KIAA0753: variants seen among roughly 807,000 people sequenced by gnomAD.
KIAA0753 encodes the protein protein moonraker.
In KIAA0753, 114 loss-of-function variants were observed where a neutral mutation model predicts 116.9. The observed-to-expected ratio is 0.98, with a 90% CI of 0.84 to 1.14. The LOEUF is 1.14. Ranked by LOEUF, KIAA0753 falls within the 50% of genes most tolerant of loss-of-function variation. The pLI is 0.00. For synonymous variants in KIAA0753, 405 were observed against 413.1 expected, an observed-to-expected ratio of 0.98 and a Z score of 0.24; for missense variants, 1,156 against 1,172.4, an observed-to-expected ratio of 0.99 and a Z score of 0.20.
At chr17:6,587,107 C>T (rs1968633088) in intron 18 of KIAA0753, among the ~76,000 whole-genome samples, 1 of 152,106 alleles carries the variant, frequency 6.6e-6, no homozygotes, top group South Asian at 2.1e-4. Flanking sequence ...TAGCCAGTAC[C>T]TGTAATCCTA....
chr17:6,579,906 G>A (rs747643787), intron 18 of KIAA0753, 42 bp from the exon 19 acceptor site: 3 of 1,462,288 alleles, frequency 2.1e-6, no homozygotes, highest in Non-Finnish European at 2.9e-6. Context: ...TACAAGGCCA[G>A]GCGCGGTGGC....
intron 18 of KIAA0753, among the ~76,000 whole-genome samples, chr17:6,588,696 G>T (rs1029602740): frequency 6.6e-6 from 1 of 152,152 alleles, no homozygotes; most frequent in African/African-American, 2.4e-5. Flanking sequence ...TTAGCTCAAT[G>T]ATGAAAAATA....
intron 14 of KIAA0753, among the ~76,000 whole-genome samples, chr17:6,598,749 A>G (rs1969648996): frequency 6.6e-6 from 1 of 152,198 alleles, no homozygotes; most frequent in Admixed American, 6.5e-5. Flanking sequence ...ATTTTTCTCA[A>G]ATGTTCTCAT....
intron 16 of KIAA0753, among the ~76,000 whole-genome samples, chr17:6,592,087 TGAA>T (rs1239972275): frequency 2.0e-5 from 3 of 152,170 alleles, no homozygotes; most frequent in Non-Finnish European, 4.4e-5. Context: ...AGCCTGGCCT[TGAA>T]GAACAGCTTG....
Position 6,579,833 on chromosome 17 carries a change from C to G in KIAA0753, c.2818G>C (p.Gly940Arg). 6.2e-7 allele frequency: 1 copy of G among 1,613,838 alleles called. No individual in the cohort carries two copies. Among genetic ancestry groups the G allele is most frequent in the Non-Finnish European group, 8.5e-7 (1 of 1,179,948 alleles). Residue 940 changes from glycine (G) to arginine (R), a missense_variant, in exon 19 of 19, where the codon GGT becomes CGT. By Grantham distance (125) the Gly-to-Arg change is moderately radical. Transcript: ENST00000361413. ...TCCTGAAGTTCAGCAGCCACAGCAC[C>G]CAGAGCTTCATCTACCAGCTCTTCT... ...FSEELVDEAL[G>R]AVAAELQDMC...
Position 6,590,139 on chromosome 17 carries a change from C to T in KIAA0753, c.2562-136G>A, listed in dbSNP as rs554622921. ...CTCACAATGAACAAAACTGAACAAC[C>T]TAACACCATGCGTTGCTTCCCCTTT... On this transcript the variant is annotated intron_variant, in intron 17 of 18. Coordinates refer to ENST00000361413, the MANE Select transcript of KIAA0753 (RefSeq NM_014804.3). 1.5e-5 allele frequency: 11 copies of T among 733,484 alleles called. 1 individual carries two copies. The highest frequency in any genetic ancestry group is 1.2e-4 in the African/African-American group (7 of 56,266). The allele number at this position is 733,484 out of a possible 1,614,324, so 45.4% of individuals were successfully genotyped here.
intron 16 of KIAA0753, among the ~76,000 whole-genome samples, chr17:6,594,372 G>T (rs1969311544): frequency 6.6e-6 from 1 of 151,668 alleles, no homozygotes; most frequent in South Asian, 2.1e-4. Context: ...GTTAATAACA[G>T]CAAGAGGAAA....
chr17:6,626,568 T>A (rs1334209448), intron 3 of KIAA0753, among the ~76,000 whole-genome samples: 1 of 151,676 alleles, frequency 6.6e-6, no homozygotes, highest in South Asian at 2.1e-4. Context: ...ATGATTCCCA[T>A]GCAGCGCCTG....
intron 5 of KIAA0753, 85 bp downstream of exon 5, chr17:6,623,424 T>C (rs1971457546): frequency 1.9e-6 from 2 of 1,074,266 alleles, no homozygotes; most frequent in East Asian, 2.4e-5. Flanking sequence ...ATAACATTAG[T>C]GCAGAGGGCC....
chr17:6,628,407 C>G lies in KIAA0753; in HGVS notation c.428G>C (p.Arg143Thr). Residue 143 changes from arginine (R) to threonine (T), a missense_variant, in exon 3 of 19, where the codon AGG becomes ACG. Coordinates refer to ENST00000361413, the MANE Select transcript of KIAA0753 (RefSeq NM_014804.3). The stretch of plus-strand genomic sequence containing the variant: ...ACTCTTTGATTCCTTCCTTTCCACC[C>G]TGTGGTCGGGTATTTTATACTTAGT... ...GHTKYKIPDH[R>T]VERKESKSQA... The G allele has an allele frequency of 1.2e-6, 2 of 1,614,196 alleles. No individual in the cohort carries two copies. Among genetic ancestry groups the G allele is most frequent in the Non-Finnish European group, 1.7e-6 (2 of 1,180,042 alleles).
intron 3 of KIAA0753, among the ~76,000 whole-genome samples, chr17:6,625,127 C>T (rs575534253): frequency 6.6e-6 from 1 of 152,248 alleles, no homozygotes; most frequent in Non-Finnish European, 1.5e-5. Flanking sequence ...CACTGGACAG[C>T]GATTTCACTA....
At chr17:6,597,239 A>C (rs1053565399) in intron 14 of KIAA0753, among the ~76,000 whole-genome samples, 3 of 152,372 alleles carry the variant, frequency 2.0e-5, no homozygotes, top group African/African-American at 7.2e-5. Flanking sequence ...AATGATTCAC[A>C]GAAGAAAATA....
chr17:6,584,702 T>C (rs1218601566), intron 18 of KIAA0753, among the ~76,000 whole-genome samples: 1 of 152,228 alleles, frequency 6.6e-6, no homozygotes, highest in African/African-American at 2.4e-5. Context: ...TTTTTGCCAT[T>C]CTTCTGGAAG....
chr17:6,602,110 A>C (rs1323294279), intron 12 of KIAA0753, among the ~76,000 whole-genome samples: 2 of 152,226 alleles, frequency 1.3e-5, no homozygotes, highest in Non-Finnish European at 2.9e-5. Flanking sequence ...AAAGACTGAC[A>C]AGCTCAATTG....
At chr17:6,630,328 T>A (rs1370549061) in intron 2 of KIAA0753, among the ~76,000 whole-genome samples, 1 of 152,094 alleles carries the variant, frequency 6.6e-6, no homozygotes, top group Non-Finnish European at 1.5e-5. Context: ...TATAGCAATA[T>A]ATGCTGTTGG....
intron 2 of KIAA0753, chr17:6,634,751 A>G (rs372919480): frequency 8.4e-6 from 3 of 357,338 alleles, no homozygotes; most frequent in African/African-American, 4.1e-5. Flanking sequence ...GTATAAGAAT[A>G]GTATCATGAT....
chr17:6,589,700 T>G (rs1460910551), intron 18 of KIAA0753, 79 bp downstream of exon 18: 1 of 1,088,874 alleles, frequency 9.2e-7, no homozygotes, highest in Non-Finnish European at 1.3e-6. Flanking sequence ...AGACCTTGGC[T>G]AATGCTTTCT....
intron 18 of KIAA0753, 125 bp from the exon 19 acceptor site, chr17:6,579,989 C>G: frequency 1.5e-6 from 1 of 651,662 alleles, no homozygotes; most frequent in Non-Finnish European, 2.7e-6. Context: ...TTGAGACCAG[C>G]CTGGCCAACA....
intron 8 of KIAA0753, 27 bp from the exon 9 acceptor site, chr17:6,610,187 G>A: frequency 6.2e-7 from 1 of 1,611,300 alleles, no homozygotes; most frequent in Non-Finnish European, 8.5e-7. Flanking sequence ...AGAATTATAA[G>A]GCCACACAAA....
Sources: gnomAD v4.1 joint callset for allele counts (sites outside exome capture counted in the v4.1 genomes callset) on GRCh38, gnomAD v4.1.1 for gene constraint, MANE v1.5 for transcripts, NCBI Gene and HGNC (gene_info 2026-07-23, HGNC 2026-07-21) for gene names.